MYCBPAP: variants seen among roughly 807,000 people sequenced by gnomAD.
MYCBPAP encodes MYCBP associated protein, also known as MYCBP-associated protein.
A neutral mutation model predicts 106.1 loss-of-function variants in MYCBPAP; 60 were observed. The observed-to-expected ratio is 0.57, with a 90% CI of 0.46 to 0.70. The LOEUF (loss-of-function observed/expected upper bound fraction) is 0.70, where lower values mean the gene tolerates loss of function less well. Among genes scored for constraint, MYCBPAP ranks in the 30% least tolerant of loss-of-function variants. The probability of loss-of-function intolerance (pLI) is 0.00; values close to 1 mark genes in which losing one functional copy is unlikely to be tolerated. For synonymous variants in MYCBPAP, 407 were observed against 440.6 expected, an observed-to-expected ratio of 0.92 and a Z score of 0.95; for missense variants, 1,064 against 1,169.3, an observed-to-expected ratio of 0.91 and a Z score of 1.31.
chr17:50,507,969 T>G (rs2033677221), upstream of MYCBPAP, among the ~76,000 whole-genome samples: 1 of 152,176 alleles, frequency 6.6e-6, no homozygotes, highest in Non-Finnish European at 1.5e-5. Context: ...ATGCCCCAAG[T>G]CAGGGCAAAA....
Position 50,519,030 on chromosome 17 carries a change from C to A in MYCBPAP, c.709C>A (p.Arg237=), listed in dbSNP as rs146029360. ...LLMHTGETYR[R]IQEERELIDC... is the part of the protein sequence containing the mutation. ...CATGCACACCGGGGAGACCTACAGA[C>A]GGATCCAGGAGGAGCGGGAGCTCAT... is the stretch of plus-strand genomic sequence containing the variant. The change falls in exon 6 of 19, where the codon CGG becomes AGG. Residue 237 remains arginine, a synonymous_variant. Transcript: ENST00000323776. 2 of 1,613,868 alleles carry A rather than the reference C, an allele frequency of 1.2e-6. No individual in the cohort carries two copies. The highest frequency in any genetic ancestry group is 1.7e-6 in the Non-Finnish European group (2 of 1,179,998).
chr17:50,525,361 G>A (rs2034423093), intron 13 of MYCBPAP, among the ~76,000 whole-genome samples: 1 of 152,228 alleles, frequency 6.6e-6, no homozygotes, highest in Non-Finnish European at 1.5e-5. Flanking sequence ...CAAAAAGGTT[G>A]GGGACTGCTG....
Position 50,528,966 on chromosome 17 carries a change from T to G in MYCBPAP, c.2554-52T>G, listed in dbSNP as rs2034548820. 5.0e-6 allele frequency: 8 copies of G among 1,601,334 alleles called. No homozygotes were observed. In the Admixed American group the frequency reaches 1.4e-4, roughly 27 times the overall value. On this transcript the variant is annotated intron_variant, in intron 17 of 18. Coordinates refer to ENST00000323776, the MANE Select transcript of MYCBPAP (RefSeq NM_032133.6). ...AGTGAGCTACTGTTGAGGACATCCT[T>G]GGCCTACCTCTGGAGCTCCTGAAGG... is the stretch of plus-strand genomic sequence containing the variant.
At chr17:50,509,027 C>T (rs777148333) in intron 1 of MYCBPAP, 2 of 702,748 alleles carry the variant, frequency 2.8e-6, no homozygotes, top group African/African-American at 1.7e-5. Flanking sequence ...TGCGCTACCT[C>T]TAACCACATC....
chr17:50,517,744 A>C (rs1220636825), intron 4 of MYCBPAP, 46 bp downstream of exon 4: 5 of 1,539,956 alleles, frequency 3.2e-6, no homozygotes, highest in Non-Finnish European at 4.5e-6. Flanking sequence ...CACTGAAGTC[A>C]TTTTGGTCTC....
At chr17:50,517,487 T>C (rs200266994) in intron 3 of MYCBPAP, 35 bp downstream of exon 3, 1 of 1,614,154 alleles carries the variant, frequency 6.2e-7, no homozygotes, top group Non-Finnish European at 8.5e-7. Context: ...TCACTGTCTT[T>C]CAACTCATGG....
Position 50,519,045 on chromosome 17 carries a change from C to CG in MYCBPAP, c.727dup (p.Glu243GlyfsTer4). 6.2e-7 allele frequency: 1 copy of CG among 1,610,542 alleles called. No homozygotes were observed. The highest frequency in any genetic ancestry group is 1.1e-5 in the South Asian group (1 of 91,012). On this transcript the variant is annotated frameshift_variant, in exon 6 of 19. Coordinates refer to ENST00000323776, the MANE Select transcript of MYCBPAP (RefSeq NM_032133.6). LOFTEE classifies it high-confidence loss of function. The stretch of plus-strand genomic sequence containing the variant: ...GACCTACAGACGGATCCAGGAGGAG[C>CG]GGGAGCTCATTGACTGCACACTTCC...
intron 1 of MYCBPAP, among the ~76,000 whole-genome samples, chr17:50,510,892 T>G: frequency 6.6e-6 from 1 of 151,964 alleles, no homozygotes; most frequent in East Asian, 1.9e-4. Context: ...TCAAGGGCTT[T>G]CCTAGCCACT....
At chr17:50,523,496 C>A in intron 11 of MYCBPAP, 101 bp from the exon 12 acceptor site, 1 of 1,256,454 alleles carries the variant, frequency 8.0e-7, no homozygotes. Flanking sequence ...GGTTGGCCAG[C>A]CACCTGGCCT....
chr17:50,514,765 C>T, intron 1 of MYCBPAP: 1 of 241,356 alleles, frequency 4.1e-6, no homozygotes, highest in Non-Finnish European at 8.6e-6. Context: ...CTCAGGTTAT[C>T]CTTCCCCTCA....
intron 1 of MYCBPAP, 118 bp downstream of exon 1, chr17:50,508,868 A>G: frequency 1.0e-6 from 1 of 958,716 alleles, no homozygotes; most frequent in Non-Finnish European, 1.6e-6. Flanking sequence ...AGGAAAGATC[A>G]CGGGGAAGTG....
chr17:50,519,903 G>T, intron 7 of MYCBPAP, 116 bp downstream of exon 7: 1 of 1,165,260 alleles, frequency 8.6e-7, no homozygotes, highest in Non-Finnish European at 1.2e-6. Flanking sequence ...GTTTCTCTGT[G>T]GTTCTCTGGG....
At chr17:50,531,232 CT>C (rs1188118360) in intron 18 of MYCBPAP, 94 bp from the exon 19 acceptor site, 4 of 700,606 alleles carry the variant, frequency 5.7e-6, no homozygotes, top group East Asian at 3.3e-5. Flanking sequence ...CAACTGGTTT[CT>C]TTCCCCTCTC....
Position 50,526,122 on chromosome 17 carries a change from T to C in MYCBPAP, c.2024T>C (p.Val675Ala). The C allele has an allele frequency of 6.2e-7, 1 of 1,613,670 alleles. No homozygotes were observed. Among genetic ancestry groups the C allele is most frequent in the East Asian group, 2.2e-5 (1 of 44,866 alleles). The change falls in exon 14 of 19, where the codon GTG becomes GCG. Residue 675 changes from valine to alanine, a missense_variant. Coordinates refer to ENST00000323776, the MANE Select transcript of MYCBPAP (RefSeq NM_032133.6). ...GAATCCGGGTCCCAGAAGGCCAGAG[T>C]GGGGACCAAGAGTCCTCAGCGGAAG... ...LRESGSQKAR[V>A]GTKSPQRKSI...
At chr17:50,526,609 A>C (rs1237524202) in intron 14 of MYCBPAP, among the ~76,000 whole-genome samples, 3 of 150,152 alleles carry the variant, frequency 2.0e-5, no homozygotes, top group Non-Finnish European at 3.0e-5. Flanking sequence ...TTTTGATGGA[A>C]TCTTGCTGTG....
Position 50,517,612 on chromosome 17 carries a change from G to C in MYCBPAP, c.382G>C (p.Asp128His), listed in dbSNP as rs75706684. 8 of 1,614,076 alleles carry C rather than the reference G, an allele frequency of 5.0e-6. No individual in the cohort carries two copies. The highest frequency in any genetic ancestry group is 3.3e-5 in the Admixed American group (2 of 60,012). Reference protein sequence around the residue: ...LDYSGPGDSFDGSDQILPHHI... With the variant: ...LDYSGPGDSFHGSDQILPHHI... ...CCTCCCAGGTCCCGGTGACAGCTTC[G>C]ATGGCAGTGACCAGATCCTGCCCCA... The change falls in exon 4 of 19, where the codon GAT (aspartate) becomes CAT (histidine). Residue 128 changes from aspartate to histidine, a missense_variant. Transcript: ENST00000323776.
rs2034362162 is a variant in MYCBPAP, at chr17:50,523,767, G to A, written c.1618G>A (p.Glu540Lys). Residue 540 changes from glutamate (E) to lysine (K), a missense_variant, in exon 12 of 19, where the codon GAG becomes AAG. Coordinates refer to ENST00000323776, the MANE Select transcript of MYCBPAP (RefSeq NM_032133.6). Reference sequence around the variant, plus strand: ...CCTGACCCAGGACGTTTTTGAGGATGAGAGGAAAGTACTGGAGGTAAGGGA... The same window carrying A: ...CCTGACCCAGGACGTTTTTGAGGATAAGAGGAAAGTACTGGAGGTAAGGGA... ...VSLTQDVFED[E>K]RKVLESKLTA... is the part of the protein sequence containing the mutation. The A allele has an allele frequency of 1.2e-6, 2 of 1,614,108 alleles. No individual in the cohort carries two copies. Among genetic ancestry groups the A allele is most frequent in the Non-Finnish European group, 1.7e-6 (2 of 1,179,990 alleles).
chr17:50,520,810 T>C (rs562636748), intron 7 of MYCBPAP, among the ~76,000 whole-genome samples: 168 of 152,296 alleles, frequency 1.1e-3, no homozygotes, highest in Non-Finnish European at 1.7e-3. Flanking sequence ...AAATGAGATA[T>C]GAAATGTATT....
rs1194979615 is a variant in MYCBPAP at position 50,522,297 on chromosome 17, G to C, written c.1257+216G>C. ...ATAAGCCACTTGGGGCTTATACCCA[G>C]CCCCCAAGCATGTAAACAAGCAAAC... is the stretch of plus-strand genomic sequence containing the variant. On this transcript the variant is annotated intron_variant, in intron 10 of 18. Coordinates refer to ENST00000323776, the MANE Select transcript of MYCBPAP (RefSeq NM_032133.6). 2.3e-5 allele frequency: 10 copies of C among 441,220 alleles called. No individual in the cohort carries two copies. In the East Asian group the frequency reaches 3.5e-4, roughly 15 times the overall value. 27.3% of individuals were successfully genotyped at this position (441,220 alleles called of 1,614,324 possible).
Sources: gnomAD v4.1 joint callset for allele counts (sites outside exome capture counted in the v4.1 genomes callset) on GRCh38, gnomAD v4.1.1 for gene constraint, MANE v1.5 for transcripts, NCBI Gene and HGNC (gene_info 2026-07-23, HGNC 2026-07-21) for gene names.